Variants in MPDZ observed in about 807,000 individuals in gnomAD.
MPDZ encodes the protein multiple PDZ domain crumbs cell polarity complex component, also known as multiple PDZ domain protein.
A neutral mutation model predicts 239.1 loss-of-function variants in MPDZ; 234 were observed. The ratio of observed to expected loss-of-function variants is 0.98; its 90% CI spans 0.88 to 1.09. MPDZ has a LOEUF of 1.09. MPDZ is among the 50% of genes least tolerant of loss of function. The pLI is 0.00. For missense variants in MPDZ, 3,175 were observed against 2,510.0 expected (o/e 1.26, Z -5.66); for synonymous variants, 1,048 against 881.3 (o/e 1.19, Z -3.35).
intron 2 of MPDZ, 39 bp downstream of exon 2, chr9:13,250,261 C>G: frequency 6.3e-7 from 1 of 1,576,818 alleles, no homozygotes; most frequent in Non-Finnish European, 8.6e-7. Flanking sequence ...GGAGGAGTTA[C>G]AATTCTTATA....
At chr9:13,165,760 C>G (rs760352890) in intron 22 of MPDZ, among the ~76,000 whole-genome samples, 4 of 152,064 alleles carry the variant, frequency 2.6e-5, no homozygotes, top group Non-Finnish European at 4.4e-5. Context: ...AGCACAAAAC[C>G]CTGGCTATTA....
At chr9:13,172,842 A>G (rs1266818862) in intron 21 of MPDZ, among the ~76,000 whole-genome samples, 1 of 152,208 alleles carries the variant, frequency 6.6e-6, no homozygotes, top group Non-Finnish European at 1.5e-5. Flanking sequence ...TAATTAACCT[A>G]GTATATTTTA....
At chr9:13,200,064 G>C (rs1033373892) in intron 12 of MPDZ, among the ~76,000 whole-genome samples, 7 of 151,920 alleles carry the variant, frequency 4.6e-5, no homozygotes, top group African/African-American at 1.7e-4. Flanking sequence ...ATTCTGCAGT[G>C]AAGTTTAAGT....
intron 42 of MPDZ, among the ~76,000 whole-genome samples, chr9:13,112,353 A>G (rs995673062): frequency 6.6e-6 from 1 of 152,202 alleles, no homozygotes; most frequent in African/African-American, 2.4e-5. Flanking sequence ...AAGTAAAATA[A>G]ATCAAGACAT....
chr9:13,139,890 C>T, intron 28 of MPDZ, 97 bp downstream of exon 28: 1 of 1,390,104 alleles, frequency 7.2e-7, no homozygotes. Flanking sequence ...TATCACAAAG[C>T]TGCAACATAC....
In MPDZ at chr9:13,175,853, T is replaced by G. The variant is rs200272559; in HGVS notation, c.2954A>C (p.Gln985Pro). Reference protein sequence around the residue: ...AGKGSEYLLEQSSLACNAECV... With the variant: ...AGKGSEYLLEPSSLACNAECV... ...CTCAGCATTACAGGCCAGGGAGCTC[T>G]GTTCAAGCAGGTACTCAGAGCCCTT... The change falls in exon 21 of 47, where the codon CAG (glutamine) becomes CCG (proline). Residue 985 changes from glutamine to proline, a missense_variant. Coordinates refer to ENST00000319217, the MANE Select transcript of MPDZ (RefSeq NM_001378778.1). The G allele has an allele frequency of 1.4e-4, 216 of 1,594,330 alleles. No individual in the cohort carries two copies. Among genetic ancestry groups the G allele is most frequent in the Non-Finnish European group, 1.8e-4 (210 of 1,170,204 alleles).
chr9:13,200,614 T>C (rs1323703946), intron 12 of MPDZ, among the ~76,000 whole-genome samples: 2 of 152,086 alleles, frequency 1.3e-5, no homozygotes, highest in African/African-American at 4.8e-5. Flanking sequence ...TATGCTGTGT[T>C]CCCATTTTCA....
intron 21 of MPDZ, among the ~76,000 whole-genome samples, chr9:13,175,365 C>T (rs1952329256): frequency 6.6e-6 from 1 of 152,132 alleles, no homozygotes. Context: ...TATAAACTGA[C>T]TTATACATCA....
At chr9:13,271,573 C>T (rs1243979062) in intron 1 of MPDZ, among the ~76,000 whole-genome samples, 1 of 152,134 alleles carries the variant, frequency 6.6e-6, no homozygotes, top group Non-Finnish European at 1.5e-5. Context: ...TTCTTTGGGT[C>T]TCTTCTTTTC....
intron 1 of MPDZ, among the ~76,000 whole-genome samples, chr9:13,267,269 C>G (rs773627544): frequency 1.3e-5 from 2 of 152,178 alleles, no homozygotes; most frequent in African/African-American, 2.4e-5. Flanking sequence ...GAAATGAAAC[C>G]ATTTGTTTAT....
At chr9:13,246,857 G>A (rs1166354200) in intron 3 of MPDZ, among the ~76,000 whole-genome samples, 2 of 152,158 alleles carry the variant, frequency 1.3e-5, no homozygotes, top group Non-Finnish European at 2.9e-5. Context: ...AACTTGGATT[G>A]AAGGCATAAT....
intron 3 of MPDZ, among the ~76,000 whole-genome samples, chr9:13,232,253 C>A (rs1223650397): frequency 6.6e-6 from 1 of 151,888 alleles, no homozygotes; most frequent in Non-Finnish European, 1.5e-5. Context: ...AAAATCAATA[C>A]CAAAAAATAA....
intron 2 of MPDZ, among the ~76,000 whole-genome samples, chr9:13,250,054 C>G (rs145726042): frequency 6.6e-6 from 1 of 152,242 alleles, no homozygotes. Context: ...TATTAAAACC[C>G]ATAATTGGAA....
chr9:13,255,755 C>A (rs1472148984), intron 1 of MPDZ, among the ~76,000 whole-genome samples: 2 of 152,106 alleles, frequency 1.3e-5, no homozygotes, highest in African/African-American at 4.8e-5. Context: ...GTGCTGTTAT[C>A]CAGTCTTTCT....
chr9:13,120,350 ACATCAAAT>A (rs1427337671), intron 38 of MPDZ: 1 of 152,242 alleles, frequency 6.6e-6, no homozygotes, highest in Non-Finnish European at 1.5e-5. Flanking sequence ...CAAGGTCATG[ACATCAAAT>A]CATTTCACCA....
intron 1 of MPDZ, chr9:13,274,555 G>A (rs1973728576): frequency 6.6e-6 from 1 of 151,026 alleles, no homozygotes; most frequent in Non-Finnish European, 1.5e-5. Flanking sequence ...TAGCTGGCCA[G>A]ATTGGGAAGA....
At chr9:13,133,938 C>T in intron 31 of MPDZ, 34 bp from the exon 32 acceptor site, 1 of 1,282,428 alleles carries the variant, frequency 7.8e-7, no homozygotes, top group Non-Finnish European at 1.1e-6. Context: ...AAAAGAGCAA[C>T]TGAGTGTTAG....
At chr9:13,142,789 G>C (rs1947899315) in intron 27 of MPDZ, among the ~76,000 whole-genome samples, 1 of 152,068 alleles carries the variant, frequency 6.6e-6, no homozygotes, top group Admixed American at 6.6e-5. Flanking sequence ...TAACATGGAA[G>C]TCTGATGAAT....
At chr9:13,131,275 T>C (rs948488574) in intron 32 of MPDZ, among the ~76,000 whole-genome samples, 1 of 152,100 alleles carries the variant, frequency 6.6e-6, no homozygotes, top group Non-Finnish European at 1.5e-5. Context: ...CCTCAAGAGA[T>C]GTGTTCAAGG....
Sources: allele counts gnomAD v4.1 joint callset (sites outside exome capture counted in the v4.1 genomes callset), GRCh38; gene constraint gnomAD v4.1.1; transcripts MANE v1.5; gene names NCBI Gene and HGNC (gene_info 2026-07-23, HGNC 2026-07-21).